The following ATRNL1 variants were observed in gnomAD, a reference collection of about 807,000 sequenced individuals.
ATRNL1 encodes attractin like 1, also known as attractin-like protein 1.
Under a neutral mutation model 182.7 loss-of-function variants are expected in ATRNL1, and 95 were observed. That is an observed-to-expected ratio of 0.52 (90% confidence interval 0.44 to 0.62). ATRNL1 has a LOEUF of 0.62. ATRNL1 is among the 20% of genes least tolerant of loss of function. The probability of loss-of-function intolerance (pLI) is 0.00; values close to 1 mark genes in which losing one functional copy is unlikely to be tolerated. For missense variants in ATRNL1, 1,471 were observed against 1,679.5 expected (o/e 0.88, Z 2.17); for synonymous variants, 576 against 568.3 (o/e 1.01, Z -0.19).
At chr10:115,258,546 C>G (rs949722501) in intron 10 of ATRNL1, among the ~76,000 whole-genome samples, 1 of 152,018 alleles carries the variant, frequency 6.6e-6, no homozygotes, top group African/African-American at 2.4e-5. Flanking sequence ...AGCTTCCTTG[C>G]AATGGGTTCG....
chr10:115,197,861 A>G (rs1564813376), intron 8 of ATRNL1, among the ~76,000 whole-genome samples: 1 of 152,192 alleles, frequency 6.6e-6, no homozygotes, highest in Non-Finnish European at 1.5e-5. Flanking sequence ...ATGTTATTCA[A>G]GCATCATCAA....
At chr10:115,859,936 AAG>A (rs1951273915) in intron 28 of ATRNL1, among the ~76,000 whole-genome samples, 1 of 152,142 alleles carries the variant, frequency 6.6e-6, no homozygotes, top group Non-Finnish European at 1.5e-5. Flanking sequence ...GCCCTCTGAA[AAG>A]AGAGTAATTC....
At chr10:115,363,790 G>T (rs1245070463) in intron 19 of ATRNL1, among the ~76,000 whole-genome samples, 3 of 148,394 alleles carry the variant, frequency 2.0e-5, no homozygotes, top group Non-Finnish European at 4.5e-5. Flanking sequence ...TTTCCCCATT[G>T]CTTGTTTTTC....
intron 27 of ATRNL1, among the ~76,000 whole-genome samples, chr10:115,734,615 C>A (rs1417238165): frequency 6.6e-6 from 1 of 151,908 alleles, no homozygotes; most frequent in Non-Finnish European, 1.5e-5. Context: ...TGGAACATTC[C>A]TTGCCTTTTT....
chr10:115,744,272 G>A (rs921692159), intron 27 of ATRNL1, among the ~76,000 whole-genome samples: 1 of 152,008 alleles, frequency 6.6e-6, no homozygotes, highest in Admixed American at 6.6e-5. Context: ...ATTAAATTTT[G>A]ATGACCTCAT....
At chr10:115,276,147 CT>C (rs1472076203) in intron 13 of ATRNL1, among the ~76,000 whole-genome samples, 3 of 152,166 alleles carry the variant, frequency 2.0e-5, no homozygotes, top group Admixed American at 1.3e-4. Context: ...CTTTTCACTG[CT>C]TCCTCCCCTG....
At chr10:115,446,257 G>A (rs1554966675) in intron 21 of ATRNL1, among the ~76,000 whole-genome samples, 3 of 151,718 alleles carry the variant, frequency 2.0e-5, no homozygotes, top group Admixed American at 6.6e-5. Context: ...ATTTTGGGAG[G>A]CTTTTTCGTA....
chr10:115,920,632 G>T (rs1322177291), intron 28 of ATRNL1, among the ~76,000 whole-genome samples: 2 of 152,194 alleles, frequency 1.3e-5, no homozygotes, highest in African/African-American at 2.4e-5. Context: ...GCCCAAAAGT[G>T]CATGGAATAG....
At chr10:115,217,873 TA>T (rs1205107369) in intron 9 of ATRNL1, among the ~76,000 whole-genome samples, 1 of 152,142 alleles carries the variant, frequency 6.6e-6, no homozygotes, top group Non-Finnish European at 1.5e-5. Flanking sequence ...ATTTTTTCAT[TA>T]TCCTTAAAAT....
chr10:115,292,176 A>G (rs888333039), intron 15 of ATRNL1, among the ~76,000 whole-genome samples: 1 of 151,566 alleles, frequency 6.6e-6, no homozygotes, highest in Non-Finnish European at 1.5e-5. Context: ...ATGACCCTTT[A>G]TGTTTCTGTG....
At chr10:115,687,730 C>T (rs1412113909) in intron 26 of ATRNL1, among the ~76,000 whole-genome samples, 2 of 151,772 alleles carry the variant, frequency 1.3e-5, no homozygotes, top group African/African-American at 4.8e-5. Flanking sequence ...GTGTTTGTTG[C>T]AGGCAAAAAT....
intron 24 of ATRNL1, among the ~76,000 whole-genome samples, chr10:115,494,650 C>T (rs1337727496): frequency 1.3e-5 from 2 of 152,126 alleles, no homozygotes; most frequent in Non-Finnish European, 2.9e-5. Context: ...ATTTATTGAT[C>T]TAGGTATGTT....
intron 1 of ATRNL1, among the ~76,000 whole-genome samples, chr10:115,097,210 G>A (rs1554863359): frequency 1.3e-5 from 2 of 152,156 alleles, no homozygotes; most frequent in Non-Finnish European, 1.5e-5. Context: ...TATGCTGGGT[G>A]CCGTGGCTCA....
rs781822086 is a variant in ATRNL1 at position 115,093,894 on chromosome 10, C to T, written c.144C>T (p.Phe48=). Reference sequence around the variant, plus strand: ...ACAGCTGGCTGCTGTGCTATGGCTTCCTCTACCTGGCGCTCTACGCGCAGG... The same window carrying T: ...ACAGCTGGCTGCTGTGCTATGGCTTTCTCTACCTGGCGCTCTACGCGCAGG... The part of the protein sequence containing the change: ...DGNSWLLCYG[F]LYLALYAQVS... The change falls in exon 1 of 29, where the codon TTC becomes TTT. Residue 48 remains phenylalanine, a synonymous_variant. Coordinates refer to ENST00000355044, the MANE Select transcript of ATRNL1 (RefSeq NM_207303.4). The surrounding 1 kb of genome is among the most constrained non-coding windows in gnomAD (Gnocchi z 6.1). 16 of 1,596,262 alleles carry T rather than the reference C, an allele frequency of 1.0e-5. No individual in the cohort carries two copies. The highest frequency in any genetic ancestry group is 1.3e-5 in the Non-Finnish European group (15 of 1,173,334).
intron 21 of ATRNL1, among the ~76,000 whole-genome samples, chr10:115,442,270 G>GCTCTCTCTCTCTCTCTCTCTCTCTCTCT (rs71895625): frequency 2.0e-4 from 20 of 100,406 alleles, no homozygotes; most frequent in African/African-American, 6.6e-4. Context: ...ATTTGTGTTT[G>GCTCTCTCTCTCTCTCTCTCTCTCTCTCT]CTCTCTCTCT....
chr10:115,735,603 C>G (rs1333817585), intron 27 of ATRNL1, among the ~76,000 whole-genome samples: 4 of 152,160 alleles, frequency 2.6e-5, no homozygotes, highest in Non-Finnish European at 5.9e-5. Flanking sequence ...CATCACTACT[C>G]TTGCACTTTG....
At chr10:115,414,854 C>T (rs1482274473) in intron 20 of ATRNL1, among the ~76,000 whole-genome samples, 3 of 151,824 alleles carry the variant, frequency 2.0e-5, no homozygotes, top group Non-Finnish European at 2.9e-5. Flanking sequence ...TTAATATCAG[C>T]TCATAAAAAT....
intron 19 of ATRNL1, 27 bp from the exon 20 acceptor site, chr10:115,394,632 C>A (rs372908316): frequency 7.4e-6 from 11 of 1,493,632 alleles, no homozygotes; most frequent in Non-Finnish European, 9.3e-6. Context: ...GTAGAATATT[C>A]AATATCATTT....
intron 26 of ATRNL1, among the ~76,000 whole-genome samples, chr10:115,630,534 A>G (rs1400945992): frequency 6.6e-6 from 1 of 151,760 alleles, no homozygotes; most frequent in Non-Finnish European, 1.5e-5. Flanking sequence ...AAATTGAAAT[A>G]AGTCTCTCCA....
Sources: allele counts gnomAD v4.1 joint callset (sites outside exome capture counted in the v4.1 genomes callset), GRCh38; gene constraint gnomAD v4.1.1; non-coding constraint Gnocchi (gnomAD v3.1); transcripts MANE v1.5; gene names NCBI Gene and HGNC (gene_info 2026-07-23, HGNC 2026-07-21).